NDUFA10: variants seen among roughly 807,000 people sequenced by gnomAD.
NDUFA10 encodes NADH dehydrogenase [ubiquinone] 1 alpha subcomplex subunit 10, mitochondrial.
NDUFA10 carries 40 observed loss-of-function variants against 47.8 expected under a neutral mutation model. The observed-to-expected ratio is 0.84, with a 90% CI of 0.65 to 1.09. The LOEUF is 1.09. Among genes scored for constraint, NDUFA10 ranks in the 50% least tolerant of loss-of-function variants. The probability of loss-of-function intolerance (pLI) is 0.00; values close to 1 mark genes in which losing one functional copy is unlikely to be tolerated. For missense variants in NDUFA10, 413 were observed against 451.1 expected (o/e 0.92, Z 0.76); for synonymous variants, 183 against 172.2 (o/e 1.06, Z -0.49).
Position 240,011,699 on chromosome 2 carries a change from A to G in NDUFA10, c.670-3T>C. 1 of 1,609,292 alleles carries G rather than the reference A, an allele frequency of 6.2e-7. No homozygotes were observed. The highest frequency in any genetic ancestry group is 8.5e-7 in the Non-Finnish European group (1 of 1,175,524). ...GAGGTGATCTTCATTTCATGTGGCT[A>G]AACAGAAGCAGAAAAATCAAACTGG... On this transcript the variant is annotated splice_polypyrimidine_tract_variant and splice_region_variant and intron_variant, in intron 5 of 9. Transcript: ENST00000252711.
chr2:239,983,622 G>T (rs373240216), intron 9 of NDUFA10: 1 of 1,589,258 alleles, frequency 6.3e-7, no homozygotes, highest in Non-Finnish European at 8.6e-7. Flanking sequence ...AGGAGCCCAC[G>T]GTCAGGGCCA....
intron 9 of NDUFA10, chr2:239,983,593 A>G: frequency 6.3e-7 from 1 of 1,593,808 alleles, no homozygotes; most frequent in Non-Finnish European, 8.5e-7. Flanking sequence ...GTGGAGACCC[A>G]GCAAGCACGA....
chr2:239,973,360 C>T (rs1695376681), intron 9 of NDUFA10, among the ~76,000 whole-genome samples: 1 of 152,088 alleles, frequency 6.6e-6, no homozygotes, highest in African/African-American at 2.4e-5. Context: ...TAGTGCCTTT[C>T]TGTAAGGTGA....
intron 4 of NDUFA10, among the ~76,000 whole-genome samples, chr2:239,898,071 C>T (rs554364251): frequency 6.6e-6 from 1 of 152,318 alleles, no homozygotes; most frequent in Non-Finnish European, 1.5e-5. Context: ...AACGGAACTG[C>T]AGGAACCAAC....
chr2:239,926,662 G>A (rs1347598665), intron 4 of NDUFA10, among the ~76,000 whole-genome samples: 1 of 152,138 alleles, frequency 6.6e-6, no homozygotes, highest in Non-Finnish European at 1.5e-5. Flanking sequence ...AGTCCTTCAG[G>A]AGGTATTCAG....
At chr2:239,912,667 G>T (rs1693775566) in intron 4 of NDUFA10, among the ~76,000 whole-genome samples, 1 of 152,138 alleles carries the variant, frequency 6.6e-6, no homozygotes, top group Non-Finnish European at 1.5e-5. Context: ...ATGAGTTGGG[G>T]CCCACAATGC....
chr2:239,930,446 C>T lies in NDUFA10; in HGVS notation c.295-35132G>A, dbSNP rs537653846. Among the ~76,000 whole-genome samples, 387 of 151,924 alleles carry T rather than the reference C, an allele frequency of 2.5e-3. 4 individuals carry two copies. Among genetic ancestry groups the T allele is most frequent in the African/African-American group, 8.7e-3 (360 of 41,382 alleles). On this transcript the variant is annotated intron_variant, in intron 4 of 5. Coordinates refer to the NDUFA10 transcript ENST00000419408. ...CCGTCCCCATGGATCCCGTCCTGAT[C>T]GCCACTTCGCCGAGAGAAATGACCA...
Position 239,960,384 on chromosome 2 carries a change from A to C in NDUFA10, c.*734T>G. 1 of 986,056 alleles carries C rather than the reference A, an allele frequency of 1.0e-6. No homozygotes were observed. Among genetic ancestry groups the C allele is most frequent in the South Asian group, 4.7e-5 (1 of 21,310 alleles). The allele number at this position is 986,056 out of a possible 1,614,324, so 61.1% of individuals were successfully genotyped here. A position where few individuals can be genotyped will look rare whatever the true frequency, so the allele number is the denominator to read the frequency against. On this transcript the variant is annotated 3_prime_UTR_variant, in exon 10 of 10. Transcript: ENST00000252711. ...TGATTTTCTGGGTAATAAAGAGAGTATATTATTTTGCTTTTGCATCTTATG... is the reference window on the plus strand; with the variant it reads ...TGATTTTCTGGGTAATAAAGAGAGTCTATTATTTTGCTTTTGCATCTTATG...
chr2:239,912,591 G>GT (rs1295945304), intron 4 of NDUFA10, among the ~76,000 whole-genome samples: 1 of 55,024 alleles, frequency 1.8e-5, no homozygotes, highest in Non-Finnish European at 3.2e-5. Flanking sequence ...ATGGTGCCAC[G>GT]TGGGGCTCAG....
Position 239,957,700 on chromosome 2 carries a change from T to G in NDUFA10, c.*3418A>C, listed in dbSNP as rs1346480649. 6.6e-6 allele frequency: 1 copy of G among 152,258 alleles called. No homozygotes were observed. Among genetic ancestry groups the G allele is most frequent in the Non-Finnish European group, 1.5e-5 (1 of 68,056 alleles). 9.4% of individuals were successfully genotyped at this position (152,258 alleles called of 1,614,324 possible). ...AGCGTGAGCCAGGGGACAGACACTT[T>G]CAGTGGAACATTTATGGCTCTGAGA... On this transcript the variant is annotated 3_prime_UTR_variant, in exon 10 of 10. Transcript: ENST00000252711.
chr2:240,021,123 G>C (rs1559407434), intron 3 of NDUFA10, 74 bp downstream of exon 3: 1 of 1,282,646 alleles, frequency 7.8e-7, no homozygotes, highest in African/African-American at 1.5e-5. Context: ...TCGACTCAGT[G>C]GCAATTTAAC....
intron 4 of NDUFA10, among the ~76,000 whole-genome samples, chr2:239,920,601 C>A (rs1006587934): frequency 6.6e-6 from 1 of 152,206 alleles, no homozygotes; most frequent in African/African-American, 2.4e-5. Context: ...AGCTGTGTCT[C>A]CGTCTCCTTA....
At chr2:239,984,216 G>A (rs1182365720) in intron 9 of NDUFA10, among the ~76,000 whole-genome samples, 1 of 145,102 alleles carries the variant, frequency 6.9e-6, no homozygotes, top group East Asian at 2.0e-4. Flanking sequence ...CTGGGCGATA[G>A]AGTGACAATC....
rs11694241 is a variant in NDUFA10, at chr2:240,020,289, G to A, written c.460+908C>T. ...CTCATCAGGGGCACTGCCAATCAACGAAAGCAGCAAGCACTGCAATATAAA... is the reference window on the plus strand; with the variant it reads ...CTCATCAGGGGCACTGCCAATCAACAAAAGCAGCAAGCACTGCAATATAAA... On this transcript the variant is annotated intron_variant, in intron 3 of 9. Coordinates refer to ENST00000252711, the MANE Select transcript of NDUFA10 (RefSeq NM_004544.4). 6.4e-3 allele frequency among the ~76,000 whole-genome samples: 975 copies of A among 152,250 alleles called. 2 individuals are homozygous for A. The highest frequency in any genetic ancestry group is 9.8e-3 in the Non-Finnish European group (668 of 68,020).
intron 4 of NDUFA10, among the ~76,000 whole-genome samples, chr2:239,897,124 T>C (rs1693412802): frequency 6.6e-6 from 1 of 152,206 alleles, no homozygotes; most frequent in Admixed American, 6.5e-5. Flanking sequence ...ACATGAGAGC[T>C]TTGGCATGGA....
At chr2:239,973,481 GATAGTAAAAGAAACAAAA>G in intron 9 of NDUFA10, 1 of 470,156 alleles carries the variant, frequency 2.1e-6, no homozygotes, top group South Asian at 1.6e-5. Context: ...AACAACTTGA[GATAGTAAAAGAAACAAAA>G]ATAGCAGGCG....
At chr2:239,961,326 G>T in intron 9 of NDUFA10, 140 bp from the exon 10 acceptor site, 1 of 1,519,568 alleles carries the variant, frequency 6.6e-7, no homozygotes, top group Non-Finnish European at 8.9e-7. Flanking sequence ...ATCTGTGGCA[G>T]GTGTCTCCTG....
chr2:239,970,265 GA>G lies in NDUFA10; in HGVS notation c.1000-9080del, dbSNP rs374431047. 6.1e-3 allele frequency among the ~76,000 whole-genome samples: 916 copies of G among 150,352 alleles called. 5 individuals are homozygous for G. The highest frequency in any genetic ancestry group is 0.021 in the African/African-American group (870 of 41,038). On this transcript the variant is annotated intron_variant, in intron 9 of 9. Coordinates refer to ENST00000252711, the MANE Select transcript of NDUFA10 (RefSeq NM_004544.4). Reference sequence around the variant, plus strand: ...GGAATATCTTTTATGTGTTGGAGGGGAAAAAAAAACTGTCAACCTAGAATTC... The same window carrying G: ...GGAATATCTTTTATGTGTTGGAGGGGAAAAAAAACTGTCAACCTAGAATTC...
intron 9 of NDUFA10, among the ~76,000 whole-genome samples, chr2:239,963,380 G>C (rs1356464959): frequency 6.6e-6 from 1 of 152,214 alleles, no homozygotes; most frequent in Non-Finnish European, 1.5e-5. Context: ...TCGAACTACA[G>C]GTGTCTACAA....
Sources: gnomAD v4.1 joint callset for allele counts (sites outside exome capture counted in the v4.1 genomes callset) on GRCh38, gnomAD v4.1.1 for gene constraint, MANE v1.5 for transcripts, NCBI Gene and HGNC (gene_info 2026-07-23, HGNC 2026-07-21) for gene names.